Variants in TG observed in about 807,000 individuals in gnomAD.
TG encodes thyroglobulin.
A neutral mutation model predicts 324.7 loss-of-function variants in TG; 270 were observed. The ratio of observed to expected loss-of-function variants is 0.83; its 90% confidence interval spans 0.75 to 0.92. The LOEUF (loss-of-function observed/expected upper bound fraction) is 0.92, where lower values mean the gene tolerates loss of function less well. Among genes scored for constraint, TG ranks in the 40% least tolerant of loss-of-function variants. TG has a pLI of 0.00. For missense variants in TG, 3,591 were observed against 3,456.4 expected, an observed-to-expected ratio of 1.04 and a Z score of -0.98; for synonymous variants, 1,401 against 1,327.0, an observed-to-expected ratio of 1.06 and a Z score of -1.21.
chr8:133,015,916 C>CT (rs1209303648), intron 37 of TG, among the ~76,000 whole-genome samples: 5 of 152,188 alleles, frequency 3.3e-5, no homozygotes, highest in African/African-American at 9.6e-5. Flanking sequence ...TTCATTTGCT[C>CT]TTTTTTTCCT....
chr8:133,094,327 G>A (rs1242994735), intron 41 of TG, among the ~76,000 whole-genome samples: 4 of 140,350 alleles, frequency 2.9e-5, no homozygotes, highest in African/African-American at 5.2e-5. Context: ...TGCAAGCTCC[G>A]CCTCCCGGGT....
chr8:133,131,706 G>A, intron 45 of TG, 106 bp from the exon 46 acceptor site: 2 of 1,507,296 alleles, frequency 1.3e-6, no homozygotes, highest in Non-Finnish European at 1.8e-6. Flanking sequence ...ATATAAAGAA[G>A]GGAAAGTCTT....
intron 41 of TG, among the ~76,000 whole-genome samples, chr8:133,077,167 C>T (rs933589183): frequency 7.2e-5 from 11 of 152,162 alleles, no homozygotes; most frequent in Admixed American, 2.6e-4. Context: ...GAGAGGTGTG[C>T]GCAGAAGGGA....
intron 29 of TG, 106 bp from the exon 30 acceptor site, chr8:132,966,454 C>G: frequency 7.8e-7 from 1 of 1,277,890 alleles, no homozygotes; most frequent in South Asian, 1.3e-5. Flanking sequence ...CTTTCTCTCT[C>G]TGTCTCTCTC....
chr8:132,938,701 G>A (rs1357561817), intron 25 of TG, among the ~76,000 whole-genome samples: 1 of 152,146 alleles, frequency 6.6e-6, no homozygotes, highest in African/African-American at 2.4e-5. Flanking sequence ...CTGCTTCAGG[G>A]TGGTCAGGGA....
At chr8:132,964,544 G>T (rs996854281) in intron 29 of TG, 1 of 233,640 alleles carries the variant, frequency 4.3e-6, no homozygotes, top group African/African-American at 2.3e-5. Context: ...TGTGTATCAG[G>T]TTACTCCCAT....
At chr8:132,957,649 G>T (rs1332096119) in intron 27 of TG, among the ~76,000 whole-genome samples, 1 of 151,720 alleles carries the variant, frequency 6.6e-6, no homozygotes, top group Non-Finnish European at 1.5e-5. Flanking sequence ...AAGGATTACG[G>T]CTCTTAGGAA....
At chr8:133,064,981 CAGTT>C (rs1430357117) in intron 41 of TG, among the ~76,000 whole-genome samples, 3 of 152,302 alleles carry the variant, frequency 2.0e-5, no homozygotes, top group Middle Eastern at 3.4e-3. Flanking sequence ...CCCTTGGTGA[CAGTT>C]AGAATTAATT....
chr8:133,012,561 A>G (rs563642152), intron 36 of TG, among the ~76,000 whole-genome samples: 1 of 152,376 alleles, frequency 6.6e-6, no homozygotes, highest in Non-Finnish European at 1.5e-5. Context: ...AAGCTAGGTA[A>G]CCACTTGATG....
chr8:132,935,671 A>C, intron 24 of TG, 85 bp from the exon 25 acceptor site: 4 of 1,220,772 alleles, frequency 3.3e-6, no homozygotes, highest in Non-Finnish European at 2.4e-6. Flanking sequence ...CCTGGTGCCT[A>C]GCCATGGTTA....
chr8:132,908,767 G>A (rs547977939), intron 18 of TG, among the ~76,000 whole-genome samples: 2 of 152,290 alleles, frequency 1.3e-5, no homozygotes, highest in African/African-American at 4.8e-5. Flanking sequence ...AATAAAGCAG[G>A]TCGGGCCTTG....
At chr8:132,994,617 C>G (rs1832695255) in intron 35 of TG, 1 of 1,177,950 alleles carries the variant, frequency 8.5e-7, no homozygotes, top group Non-Finnish European at 1.1e-6. Context: ...CTTCAGTCAT[C>G]CATTCATTTA....
intron 5 of TG, among the ~76,000 whole-genome samples, chr8:132,875,880 G>T (rs1813712421): frequency 6.6e-6 from 1 of 152,162 alleles, no homozygotes; most frequent in South Asian, 2.1e-4. Flanking sequence ...GTAGTCGCAG[G>T]CCCAGTGACT....
At chr8:132,995,310 G>A in intron 35 of TG, 1 of 985,008 alleles carries the variant, frequency 1.0e-6, no homozygotes, top group African/African-American at 1.7e-5. Context: ...TACAGCAAGT[G>A]CTTGATAAAT....
intron 41 of TG, among the ~76,000 whole-genome samples, chr8:133,058,176 C>T (rs907606919): frequency 2.0e-5 from 3 of 152,216 alleles, no homozygotes; most frequent in African/African-American, 7.2e-5. Context: ...CTTCCCCTCC[C>T]TTACTCAAGT....
intron 10 of TG, among the ~76,000 whole-genome samples, chr8:132,888,889 G>A (rs2132179478): frequency 6.6e-6 from 1 of 152,352 alleles, no homozygotes; most frequent in East Asian, 1.9e-4. Context: ...GGCTATAAAA[G>A]TGGAGATGAC....
intron 41 of TG, among the ~76,000 whole-genome samples, chr8:133,077,753 G>GTGTA (rs1217976393): frequency 1.3e-5 from 2 of 151,512 alleles, no homozygotes; most frequent in Non-Finnish European, 2.9e-5. Context: ...GTGTGTGTGT[G>GTGTA]TGTGTGTGTG....
chr8:133,084,632 G>A lies in TG; in HGVS notation c.7240-10412G>A, dbSNP rs1015821486. Among the ~76,000 whole-genome samples, 3 of 152,234 alleles carry A rather than the reference G, an allele frequency of 2.0e-5. No individual in the cohort carries two copies. The East Asian group carries it at 5.8e-4, about 29-fold the overall frequency. ...CAGATGGAAAAAGGCATTTTGTCAA[G>A]TCTGTAAGACCTGTAGGAAAATATG... On this transcript the variant is annotated intron_variant, in intron 41 of 47. Coordinates refer to ENST00000220616, the MANE Select transcript of TG (RefSeq NM_003235.5).
intron 41 of TG, among the ~76,000 whole-genome samples, chr8:133,081,930 G>A (rs73350764): frequency 0.024 from 3,697 of 152,318 alleles, 155 homozygotes; most frequent in African/African-American, 0.085. Flanking sequence ...CAACAGAAGC[G>A]CAGAGGAGGA....
Sources: allele counts gnomAD v4.1 joint callset (sites outside exome capture counted in the v4.1 genomes callset), GRCh38; gene constraint gnomAD v4.1.1; transcripts MANE v1.5; gene names NCBI Gene and HGNC (gene_info 2026-07-23, HGNC 2026-07-21).